The following CNTNAP2 variants were observed in gnomAD, a reference collection of about 807,000 sequenced individuals.
CNTNAP2 encodes contactin associated protein 2.
In CNTNAP2, 98 loss-of-function variants were observed where a neutral mutation model predicts 155.2. The observed-to-expected ratio is 0.63, with a 90% CI of 0.54 to 0.75. CNTNAP2 has a LOEUF of 0.75. Ranked by LOEUF, CNTNAP2 falls within the 30% of genes least tolerant of loss-of-function variation. The pLI, the probability that CNTNAP2 is intolerant of heterozygous loss-of-function variation, is 0.00. For synonymous variants in CNTNAP2, 651 were observed against 631.2 expected (o/e 1.03, Z -0.47); for missense variants, 1,727 against 1,688.1 (o/e 1.02, Z -0.40).
At chr7:147,911,930 T>A (rs1260746652) in intron 14 of CNTNAP2, among the ~76,000 whole-genome samples, 1 of 152,228 alleles carries the variant, frequency 6.6e-6, no homozygotes, top group Admixed American at 6.5e-5. Flanking sequence ...CAATTTCTTT[T>A]TAACGTCTAC....
At chr7:147,652,256 G>A (rs1795460788) in intron 13 of CNTNAP2, among the ~76,000 whole-genome samples, 1 of 152,100 alleles carries the variant, frequency 6.6e-6, no homozygotes, top group Non-Finnish European at 1.5e-5. Flanking sequence ...AATGAATAAT[G>A]TTGCAGAGTG....
At chr7:148,070,904 T>C (rs1051444982) in intron 15 of CNTNAP2, among the ~76,000 whole-genome samples, 1 of 152,164 alleles carries the variant, frequency 6.6e-6, no homozygotes, top group Non-Finnish European at 1.5e-5. Flanking sequence ...TTAGAAGGTA[T>C]TGTTACTAAC....
chr7:147,136,027 CA>C (rs557644300), intron 8 of CNTNAP2, among the ~76,000 whole-genome samples: 2,400 of 140,572 alleles, frequency 0.017, 56 homozygotes, highest in African/African-American at 0.054. Flanking sequence ...TGAATTATAG[CA>C]AAAAAAAAAA....
At chr7:148,349,680 C>T (rs1005514162) in intron 21 of CNTNAP2, among the ~76,000 whole-genome samples, 4 of 152,214 alleles carry the variant, frequency 2.6e-5, no homozygotes, top group East Asian at 3.9e-4. Context: ...GGATTACAGG[C>T]GTGAGCCACC....
intron 12 of CNTNAP2, among the ~76,000 whole-genome samples, chr7:147,606,195 A>C (rs1801060825): frequency 6.6e-6 from 1 of 152,216 alleles, no homozygotes; most frequent in Admixed American, 6.5e-5. Flanking sequence ...TTACTTTCTC[A>C]CTTACCTAAG....
At chr7:146,671,163 A>C (rs1800297256) in intron 1 of CNTNAP2, among the ~76,000 whole-genome samples, 1 of 152,126 alleles carries the variant, frequency 6.6e-6, no homozygotes, top group Non-Finnish European at 1.5e-5. Flanking sequence ...AACAAAACAA[A>C]AGTAACTGAT....
At chr7:146,554,454 T>C (rs912143078) in intron 1 of CNTNAP2, among the ~76,000 whole-genome samples, 8 of 152,236 alleles carry the variant, frequency 5.3e-5, no homozygotes, top group African/African-American at 1.9e-4. Flanking sequence ...AAGAGAATTG[T>C]AATACTTTTT....
intron 1 of CNTNAP2, among the ~76,000 whole-genome samples, chr7:146,692,154 G>A (rs934776233): frequency 1.3e-5 from 2 of 152,096 alleles, no homozygotes; most frequent in Admixed American, 6.6e-5. Flanking sequence ...GCAGTCTTAC[G>A]TAGTCTTCTA....
intron 1 of CNTNAP2, among the ~76,000 whole-genome samples, chr7:146,395,317 A>G: frequency 6.6e-6 from 1 of 152,152 alleles, no homozygotes; most frequent in Non-Finnish European, 1.5e-5. Flanking sequence ...CAGGGAGTCC[A>G]ATGCCAGAGT....
At chr7:147,087,258 T>C (rs1800297853) in intron 4 of CNTNAP2, among the ~76,000 whole-genome samples, 1 of 152,164 alleles carries the variant, frequency 6.6e-6, no homozygotes, top group Admixed American at 6.6e-5. Flanking sequence ...TGGATTATGT[T>C]ATCAGATTCT....
At chr7:147,988,332 T>A (rs1289438897) in intron 15 of CNTNAP2, among the ~76,000 whole-genome samples, 1 of 152,144 alleles carries the variant, frequency 6.6e-6, no homozygotes, top group Non-Finnish European at 1.5e-5. Flanking sequence ...AAGAAAGAGA[T>A]CTAGCTATGT....
intron 18 of CNTNAP2, among the ~76,000 whole-genome samples, chr7:148,184,727 T>C (rs1407949485): frequency 1.3e-5 from 2 of 152,292 alleles, no homozygotes; most frequent in East Asian, 3.9e-4. Flanking sequence ...GAGGGAATCT[T>C]ATATTATATA....
chr7:148,164,259 G>A (rs952500866), intron 17 of CNTNAP2, among the ~76,000 whole-genome samples: 4 of 151,964 alleles, frequency 2.6e-5, no homozygotes, highest in Non-Finnish European at 5.9e-5. Flanking sequence ...TTTTTTTAAC[G>A]GGTTCAAGTT....
intron 18 of CNTNAP2, among the ~76,000 whole-genome samples, chr7:148,199,331 G>A (rs1795330558): frequency 6.6e-6 from 1 of 152,150 alleles, no homozygotes; most frequent in South Asian, 2.1e-4. Context: ...TATGTAGAAG[G>A]CACATTTCAA....
intron 15 of CNTNAP2, among the ~76,000 whole-genome samples, chr7:148,026,230 C>A (rs1802372245): frequency 6.6e-6 from 1 of 152,062 alleles, no homozygotes; most frequent in Non-Finnish European, 1.5e-5. Context: ...AGGCAGATTG[C>A]TTGAGCTCAG....
intron 3 of CNTNAP2, among the ~76,000 whole-genome samples, chr7:146,979,030 A>G (rs541907547): frequency 1.3e-5 from 2 of 152,294 alleles, no homozygotes; most frequent in Admixed American, 1.3e-4. Context: ...CTACATTTGG[A>G]CAAAACATTA....
At chr7:146,583,223 G>A (rs1233108265) in intron 1 of CNTNAP2, among the ~76,000 whole-genome samples, 1 of 152,098 alleles carries the variant, frequency 6.6e-6, no homozygotes, top group African/African-American at 2.4e-5. Context: ...CTGAGAAAGT[G>A]ACCAAAAATA....
At chr7:146,170,618 A>C (rs1056538010) in intron 1 of CNTNAP2, among the ~76,000 whole-genome samples, 1 of 152,194 alleles carries the variant, frequency 6.6e-6, no homozygotes, top group Non-Finnish European at 1.5e-5. Flanking sequence ...TAAGAAAACT[A>C]ATTTTTAAAA....
chr7:146,870,381 A>G (rs1039790851), intron 3 of CNTNAP2, among the ~76,000 whole-genome samples: 5 of 152,116 alleles, frequency 3.3e-5, no homozygotes, highest in Non-Finnish European at 5.9e-5. Context: ...AAGTGATCCC[A>G]GTAGTTTCTG....
Sources: allele counts gnomAD v4.1 joint callset (sites outside exome capture counted in the v4.1 genomes callset), GRCh38; gene constraint gnomAD v4.1.1; transcripts MANE v1.5; gene names NCBI Gene and HGNC (gene_info 2026-07-23, HGNC 2026-07-21).